Variants in FAM234B observed in about 807,000 individuals in gnomAD.
FAM234B encodes family with sequence similarity 234 member B, also known as protein FAM234B.
In FAM234B, 33 loss-of-function variants were observed where a neutral mutation model predicts 69.3. That is an observed-to-expected ratio of 0.48 (90% CI 0.36 to 0.64). FAM234B has a LOEUF of 0.64. FAM234B is among the 30% of genes least tolerant of loss of function. The pLI, the probability that FAM234B is intolerant of heterozygous loss-of-function variation, is 0.00. For synonymous variants in FAM234B, 306 were observed against 306.9 expected (o/e 1.00, Z 0.03); for missense variants, 697 against 769.7 (o/e 0.91, Z 1.12).
At chr12:13,046,021 CCAGT>C (rs1221806380) in intron 1 of FAM234B, among the ~76,000 whole-genome samples, 1 of 152,140 alleles carries the variant, frequency 6.6e-6, no homozygotes. Context: ...TTCCCATAGT[CCAGT>C]CCATGGGCCT....
Position 13,066,703 on chromosome 12 carries a change from T to C in FAM234B, c.916T>C (p.Tyr306His), listed in dbSNP as rs755552562. ...AAATCCAGTGGGTCGACCTGTGAAG[T>C]ACAACATCGTTGGAGTTGGGAATCT... is the stretch of plus-strand genomic sequence containing the variant. ...TGNPVGRPVK[Y>H]NIVGVGNLIG... Residue 306 changes from tyrosine (Y) to histidine (H), a missense_variant, in exon 6 of 13, where the codon TAC (tyrosine) becomes CAC (histidine). By Grantham distance (83) the Tyr-to-His change is moderately conservative (BLOSUM62 2). Transcript: ENST00000197268. The C allele has an allele frequency of 2.2e-5, 35 of 1,613,994 alleles. No individual in the cohort carries two copies. The highest frequency in any genetic ancestry group is 2.7e-5 in the African/African-American group (2 of 74,924).
intron 3 of FAM234B, among the ~76,000 whole-genome samples, chr12:13,060,144 C>G (rs566392881): frequency 6.6e-6 from 1 of 152,278 alleles, no homozygotes; most frequent in East Asian, 1.9e-4. Flanking sequence ...AAGAACTTGC[C>G]CAGTCCTACT....
intron 3 of FAM234B, among the ~76,000 whole-genome samples, chr12:13,060,450 G>A (rs1591598244): frequency 6.6e-6 from 1 of 152,306 alleles, no homozygotes; most frequent in Admixed American, 6.5e-5. Context: ...GCAGGAAGGG[G>A]TAATCCATCA....
At chr12:13,077,645 C>A (rs1310158173) in intron 11 of FAM234B, among the ~76,000 whole-genome samples, 4 of 151,306 alleles carry the variant, frequency 2.6e-5, no homozygotes, top group South Asian at 2.1e-4. Flanking sequence ...TGTATATGTG[C>A]CACATTTTCT....
chr12:13,055,692 C>A lies in FAM234B; in HGVS notation c.179C>A (p.Pro60His). 6.2e-7 allele frequency: 1 copy of A among 1,614,202 alleles called. No individual in the cohort carries two copies. The highest frequency in any genetic ancestry group is 8.5e-7 in the Non-Finnish European group (1 of 1,180,034). Residue 60 changes from proline to histidine, a missense_variant, in exon 2 of 13, where the codon CCC becomes CAC. Physicochemically the swap from Pro to His is moderately conservative, Grantham distance 77 (BLOSUM62 -2). This residue lies in a region of FAM234B where 380 missense variants were observed against 447.1 expected (regional missense o/e 0.85). Transcript: ENST00000197268. ...GKSPLGEAPEPDSDAEVAEAA... is the reference protein window; with the variant it reads ...GKSPLGEAPEHDSDAEVAEAA... ...AGTCCTTTGGGAGAAGCGCCAGAAC[C>A]CGACTCAGATGCTGAGGTTGCAGAG...
intron 11 of FAM234B, among the ~76,000 whole-genome samples, chr12:13,077,910 C>T (rs1245352036): frequency 6.6e-6 from 1 of 152,148 alleles, no homozygotes; most frequent in South Asian, 2.1e-4. Flanking sequence ...TCCTATTTCT[C>T]CACATCCTCT....
intron 1 of FAM234B, among the ~76,000 whole-genome samples, chr12:13,050,431 A>T (rs1864863598): frequency 2.0e-5 from 3 of 152,086 alleles, no homozygotes; most frequent in Admixed American, 2.0e-4. Context: ...CTTTTTGTGA[A>T]GATGTCAGCT....
In FAM234B at chr12:13,067,645, C is replaced by A. The variant is rs1865054687; in HGVS notation, c.1142+349C>A. 6.6e-6 allele frequency among the ~76,000 whole-genome samples: 1 copy of A among 152,144 alleles called. No homozygotes were observed. The highest frequency in any genetic ancestry group is 1.5e-5 in the Non-Finnish European group (1 of 68,020). On this transcript the variant is annotated intron_variant, in intron 7 of 12. Coordinates refer to ENST00000197268, the MANE Select transcript of FAM234B (RefSeq NM_020853.2). This position sits in a 1 kb window ranked among gnomAD's most constrained non-coding sequence, Gnocchi z 4.7. Reference sequence around the variant, plus strand: ...CTGACCTACTCTTTTCTGTATTTTTCTCTTAGTTGAAGCATCATTTTGACA... The same window carrying A: ...CTGACCTACTCTTTTCTGTATTTTTATCTTAGTTGAAGCATCATTTTGACA...
rs1234304082 is a variant in FAM234B at position 13,044,384 on chromosome 12, C to A, written c.-20C>A. On this transcript the variant is annotated 5_prime_UTR_variant, in exon 1 of 13. Transcript: ENST00000197268. The surrounding 1 kb of genome is among the most constrained non-coding windows in gnomAD (Gnocchi z 5.6). ...TCCCGGCAGAACGCGGGCGCGCGCA[C>A]GCGCACCGGGGCCTCAGCCATGGCG... The A allele has an allele frequency of 2.6e-6, 4 of 1,550,322 alleles. No homozygotes were observed. Among genetic ancestry groups the A allele is most frequent in the Admixed American group, 2.0e-5 (1 of 51,076 alleles).
intron 10 of FAM234B, among the ~76,000 whole-genome samples, chr12:13,072,063 G>A (rs1865112661): frequency 6.6e-6 from 1 of 152,146 alleles, no homozygotes; most frequent in African/African-American, 2.4e-5. Context: ...AGCACTTTCT[G>A]TGTGCCAGGC....
Position 13,079,893 on chromosome 12 carries a change from C to G in FAM234B, c.1747C>G (p.Arg583Gly). 2 of 1,614,086 alleles carry G rather than the reference C, an allele frequency of 1.2e-6. No homozygotes were observed. Among genetic ancestry groups the G allele is most frequent in the Non-Finnish European group, 1.7e-6 (2 of 1,179,950 alleles). ...CCTGGTGGTCAGCAAGCTTAGTCTACGGTGGGCACTAATGGAGGGCCAGAT... is the reference window on the plus strand; with the variant it reads ...CCTGGTGGTCAGCAAGCTTAGTCTAGGGTGGGCACTAATGGAGGGCCAGAT... ...AALVVSKLSL[R>G]WALMEGQMAQ... is the part of the protein sequence containing the mutation. Residue 583 changes from arginine (R) to glycine (G), a missense_variant, in exon 12 of 13, where the codon CGG (arginine) becomes GGG (glycine). Coordinates refer to ENST00000197268, the MANE Select transcript of FAM234B (RefSeq NM_020853.2).
intron 3 of FAM234B, 49 bp downstream of exon 3, chr12:13,058,598 G>C: frequency 6.8e-7 from 1 of 1,472,420 alleles, no homozygotes; most frequent in Middle Eastern, 1.8e-4. Flanking sequence ...CTGTCAGCTA[G>C]GAGAAAACAT....
intron 7 of FAM234B, among the ~76,000 whole-genome samples, 198 bp from the exon 8 acceptor site, chr12:13,068,105 TC>T (rs1865060187): frequency 6.6e-6 from 1 of 152,262 alleles, no homozygotes; most frequent in Admixed American, 6.5e-5. Flanking sequence ...TATGGAATTT[TC>T]TGGGGATCCT....
chr12:13,076,049 G>T lies in FAM234B; in HGVS notation c.1548G>T (p.Pro516=). ...PNSDIILGTE[P]PSLHHLYLLH... Reference sequence around the variant, plus strand: ...AGGATATCATCCTAGGAACTGAGCCGCCCAGCCTTCACCACCTTTACCTCC... The same window carrying T: ...AGGATATCATCCTAGGAACTGAGCCTCCCAGCCTTCACCACCTTTACCTCC... The change falls in exon 11 of 13, where the codon CCG becomes CCT. Residue 516 remains proline, a synonymous_variant. Coordinates refer to ENST00000197268, the MANE Select transcript of FAM234B (RefSeq NM_020853.2). The T allele has an allele frequency of 1.2e-6, 2 of 1,613,984 alleles. No homozygotes were observed. The highest frequency in any genetic ancestry group is 1.7e-6 in the Non-Finnish European group (2 of 1,179,904).
Position 13,055,699 on chromosome 12 carries a change from A to G in FAM234B, c.186A>G (p.Ser62=). The G allele has an allele frequency of 1.2e-6, 2 of 1,614,238 alleles. No individual in the cohort carries two copies. The highest frequency in any genetic ancestry group is 1.7e-6 in the Non-Finnish European group (2 of 1,180,040). ...SPLGEAPEPD[S]DAEVAEAAKP... is the part of the protein sequence containing the mutation. ...TGGGAGAAGCGCCAGAACCCGACTC[A>G]GATGCTGAGGTTGCAGAGGCTGCAA... Residue 62 remains serine, a synonymous_variant, in exon 2 of 13, where the codon TCA becomes TCG. Coordinates refer to ENST00000197268, the MANE Select transcript of FAM234B (RefSeq NM_020853.2).
chr12:13,062,901 C>G lies in FAM234B; in HGVS notation c.778C>G (p.Pro260Ala), dbSNP rs778083542. ...CTTGTCCAACGGTACCTTGGCTGCC[C>G]CAGTTGTGGTACTGCCAGACTTGGA... ...NYLSNGTLAA[P>A]VVVLPDLDED... The change falls in exon 5 of 13, where the codon CCA (proline) becomes GCA (alanine). Residue 260 changes from proline to alanine, a missense_variant. Pro to Ala is a conservative substitution (Grantham distance 27). Coordinates refer to ENST00000197268, the MANE Select transcript of FAM234B (RefSeq NM_020853.2). 1.9e-6 allele frequency: 3 copies of G among 1,613,926 alleles called. No individual in the cohort carries two copies. Among genetic ancestry groups the G allele is most frequent in the Non-Finnish European group, 2.5e-6 (3 of 1,179,942 alleles).
At position 13,080,792 on chromosome 12, in the gene FAM234B, C is replaced by T. The variant is rs1158880175; in HGVS notation, c.*162C>T. On this transcript the variant is annotated 3_prime_UTR_variant, in exon 13 of 13. Coordinates refer to ENST00000197268, the MANE Select transcript of FAM234B (RefSeq NM_020853.2). ...TGGGAAGGCATGTTGGAGTCTTTGA[C>T]GGCAGCATGATCTATTTGGCTGGGG... is the stretch of plus-strand genomic sequence containing the variant. 8.8e-6 allele frequency: 5 copies of T among 569,644 alleles called. No individual in the cohort carries two copies. The highest frequency in any genetic ancestry group is 5.3e-5 in the South Asian group (2 of 37,554). 35.3% of individuals were successfully genotyped at this position (569,644 alleles called of 1,614,324 possible).
intron 12 of FAM234B, 100 bp from the exon 13 acceptor site, chr12:13,080,525 C>T (rs764205568): frequency 1.1e-4 from 105 of 968,412 alleles, no homozygotes; most frequent in Admixed American, 5.0e-4. Flanking sequence ...AAGAAAAGGA[C>T]GGGAAAATAG....
chr12:13,052,338 AGATT>A (rs2120448522), intron 1 of FAM234B, among the ~76,000 whole-genome samples: 1 of 152,232 alleles, frequency 6.6e-6, no homozygotes, highest in East Asian at 1.9e-4. Flanking sequence ...GGGTGGGGAT[AGATT>A]ATGTGATCTT....
Sources: gnomAD v4.1 joint callset for allele counts (sites outside exome capture counted in the v4.1 genomes callset) on GRCh38, gnomAD v4.1.1 for gene constraint, gnomAD v4.1.1 regional missense constraint, Gnocchi (gnomAD v3.1) non-coding constraint, MANE v1.5 for transcripts, NCBI Gene and HGNC (gene_info 2026-07-23, HGNC 2026-07-21) for gene names.